TRPM3: variants seen among roughly 807,000 people sequenced by gnomAD.
TRPM3 encodes the protein transient receptor potential cation channel subfamily M member 3.
A neutral mutation model predicts 181.2 loss-of-function variants in TRPM3; 77 were observed. The ratio of observed to expected loss-of-function variants is 0.42; its 90% confidence interval spans 0.35 to 0.51. The LOEUF is 0.51. TRPM3 is among the 20% of genes least tolerant of loss of function. The probability of loss-of-function intolerance (pLI) is 0.01; values close to 1 mark genes in which losing one functional copy is unlikely to be tolerated. For synonymous variants in TRPM3, 745 were observed against 796.4 expected (o/e 0.94, Z 1.09); for missense variants, 1,759 against 2,196.7 (o/e 0.80, Z 3.98).
At chr9:70,841,020 A>T (rs1473256316) in intron 5 of TRPM3, among the ~76,000 whole-genome samples, 1 of 152,190 alleles carries the variant, frequency 6.6e-6, no homozygotes, top group East Asian at 1.9e-4. Flanking sequence ...ACACATTTTA[A>T]AGAATTAATT....
At chr9:71,208,351 AT>A (rs1199207821) in intron 1 of TRPM3, among the ~76,000 whole-genome samples, 1 of 152,198 alleles carries the variant, frequency 6.6e-6, no homozygotes, top group African/African-American at 2.4e-5. Context: ...TTCACAAAAA[AT>A]ATCAATAATT....
At chr9:71,323,906 A>T (rs969322958) in intron 1 of TRPM3, among the ~76,000 whole-genome samples, 8 of 152,146 alleles carry the variant, frequency 5.3e-5, no homozygotes, top group Non-Finnish European at 1.0e-4. Context: ...AGTCAAATTG[A>T]CTACTGAAGG....
chr9:71,109,292 GGTTT>G (rs761321038), intron 1 of TRPM3, among the ~76,000 whole-genome samples: 14 of 151,370 alleles, frequency 9.2e-5, no homozygotes, highest in African/African-American at 1.7e-4. Context: ...TACTGCTTCT[GGTTT>G]GTTTTTTTTT....
Position 71,351,459 on chromosome 9 carries a change from T to C in TRPM3, c.183+95194A>G, listed in dbSNP as rs112544738. Among the ~76,000 whole-genome samples, 1,060 of 152,322 alleles carry C rather than the reference T, an allele frequency of 7.0e-3. 16 individuals are homozygous for C. Among genetic ancestry groups the C allele is most frequent in the African/African-American group, 0.024 (1,010 of 41,568 alleles). On this transcript the variant is annotated intron_variant, in intron 1 of 24. Transcript: ENST00000357533. The stretch of plus-strand genomic sequence containing the variant: ...GGGGACAGCTATAAATGGCAAAAAC[T>C]GAATGATCGAAACTATATATATGAT...
intron 1 of TRPM3, among the ~76,000 whole-genome samples, chr9:71,320,080 G>A (rs919291645): frequency 2.4e-4 from 37 of 152,088 alleles, no homozygotes; most frequent in African/African-American, 8.0e-4. Context: ...AGTTGTTGGG[G>A]TAGGGAGTTT....
intron 1 of TRPM3, among the ~76,000 whole-genome samples, chr9:71,076,280 G>T (rs1227031319): frequency 6.6e-6 from 1 of 152,082 alleles, no homozygotes; most frequent in Non-Finnish European, 1.5e-5. Flanking sequence ...TATGAATCAG[G>T]GATTTTGTAT....
chr9:70,948,724 C>T lies in TRPM3; in HGVS notation c.178-84213G>A, dbSNP rs562474062. On this transcript the variant is annotated intron_variant, in intron 1 of 25. Transcript: ENST00000677713. ...TATTTTGGCCAGCATTTATGCTCTC[C>T]AGAACTTCACTGGTGAGCCCAAATG... 2.6e-5 allele frequency among the ~76,000 whole-genome samples: 4 copies of T among 152,298 alleles called. No individual in the cohort carries two copies. In the South Asian group the frequency reaches 8.3e-4, roughly 32 times the overall value.
chr9:71,258,770 G>C (rs1256095346), intron 1 of TRPM3, among the ~76,000 whole-genome samples: 1 of 152,036 alleles, frequency 6.6e-6, no homozygotes, highest in African/African-American at 2.4e-5. Context: ...AGACCCAAAG[G>C]GGTAATAGAA....
intron 1 of TRPM3, among the ~76,000 whole-genome samples, chr9:70,885,799 T>C (rs773807044): frequency 3.9e-5 from 6 of 152,212 alleles, no homozygotes; most frequent in Non-Finnish European, 7.3e-5. Flanking sequence ...TTCACTCAAA[T>C]TTTATTCTGC....
intron 1 of TRPM3, among the ~76,000 whole-genome samples, chr9:71,128,334 A>T (rs1273592004): frequency 1.3e-5 from 2 of 152,344 alleles, no homozygotes; most frequent in East Asian, 3.9e-4. Context: ...CACCTACCAA[A>T]AAATGTATAA....
chr9:71,000,439 A>G (rs920724136), intron 1 of TRPM3, among the ~76,000 whole-genome samples: 1 of 152,346 alleles, frequency 6.6e-6, no homozygotes, highest in East Asian at 1.9e-4. Flanking sequence ...TGGTATAAAA[A>G]TAATTCCCCA....
chr9:70,844,648 T>G (rs2094874647), intron 4 of TRPM3, among the ~76,000 whole-genome samples: 2 of 152,344 alleles, frequency 1.3e-5, no homozygotes, highest in East Asian at 3.9e-4. Flanking sequence ...ACTTTAACAT[T>G]TTATTGTTAA....
At position 70,535,877 on chromosome 9, in the gene TRPM3, G is replaced by A. The variant is rs2041590311; in HGVS notation, c.*76C>T. 6.6e-7 allele frequency: 1 copy of A among 1,522,716 alleles called. No individual in the cohort carries two copies. The highest frequency in any genetic ancestry group is 8.8e-7 in the Non-Finnish European group (1 of 1,138,992). The allele number at this position is 1,522,716 out of a possible 1,614,324, so 94.3% of individuals were successfully genotyped here. On this transcript the variant is annotated 3_prime_UTR_variant, in exon 26 of 26. Transcript: ENST00000677713. The stretch of plus-strand genomic sequence containing the variant: ...AAGAATAAAGCAGGTATGATTCAAG[G>A]AAAGGGGAAAAACTGGAGTTGGAGA...
chr9:71,238,786 T>C (rs1356191478), intron 1 of TRPM3, among the ~76,000 whole-genome samples: 1 of 152,150 alleles, frequency 6.6e-6, no homozygotes, highest in Non-Finnish European at 1.5e-5. Context: ...AATCACATCA[T>C]ACAAGCAACC....
At chr9:70,846,909 A>C (rs1042497226) in intron 3 of TRPM3, among the ~76,000 whole-genome samples, 1 of 152,188 alleles carries the variant, frequency 6.6e-6, no homozygotes, top group Non-Finnish European at 1.5e-5. Context: ...CACCCTTTAC[A>C]TGTGTACAAC....
intron 9 of TRPM3, among the ~76,000 whole-genome samples, chr9:70,662,180 C>G (rs1488450668): frequency 6.6e-6 from 1 of 152,068 alleles, no homozygotes; most frequent in Non-Finnish European, 1.5e-5. Flanking sequence ...GAAAAGGACA[C>G]CCTATTCAAT....
intron 12 of TRPM3, 32 bp downstream of exon 12, chr9:70,635,179 G>A (rs2056951226): frequency 6.2e-7 from 1 of 1,606,304 alleles, no homozygotes; most frequent in African/African-American, 1.3e-5. Flanking sequence ...GTCAAGACAG[G>A]GCCTCCGACC....
chr9:70,640,008 T>C (rs2057810779), intron 10 of TRPM3, among the ~76,000 whole-genome samples: 1 of 152,192 alleles, frequency 6.6e-6, no homozygotes, highest in African/African-American at 2.4e-5. Flanking sequence ...GGCCAATCTC[T>C]CAAATTTTTA....
intron 1 of TRPM3, among the ~76,000 whole-genome samples, chr9:71,041,089 CT>C (rs1035073124): frequency 1.3e-5 from 2 of 152,124 alleles, no homozygotes; most frequent in African/African-American, 2.4e-5. Flanking sequence ...AATTTGATCA[CT>C]GTACTAGTGT....
Sources: gnomAD v4.1 joint callset for allele counts (sites outside exome capture counted in the v4.1 genomes callset) on GRCh38, gnomAD v4.1.1 for gene constraint, MANE v1.5 for transcripts, NCBI Gene and HGNC (gene_info 2026-07-23, HGNC 2026-07-21) for gene names.